SIDT2: variants seen among roughly 807,000 people sequenced by gnomAD.
SIDT2 encodes SID1 transmembrane family member 2.
A neutral mutation model predicts 114.4 loss-of-function variants in SIDT2; 68 were observed. That is an observed-to-expected ratio of 0.59 (90% CI 0.49 to 0.73). The LOEUF (loss-of-function observed/expected upper bound fraction) is 0.73, where lower values mean the gene tolerates loss of function less well. Ranked by LOEUF, SIDT2 falls within the 30% of genes least tolerant of loss-of-function variation. The pLI is 0.00. For missense variants in SIDT2, 918 were observed against 1,097.1 expected, an observed-to-expected ratio of 0.84 and a Z score of 2.31; for synonymous variants, 470 against 438.4, an observed-to-expected ratio of 1.07 and a Z score of -0.90.
At chr11:117,181,640 T>G in intron 2 of SIDT2, 103 bp downstream of exon 2, 1 of 1,584,014 alleles carries the variant, frequency 6.3e-7, no homozygotes, top group Admixed American at 1.7e-5. Context: ...TTCCCTGGGC[T>G]GGGAGGCTGG....
At position 117,189,866 on chromosome 11, in the gene SIDT2, T is replaced by A. The variant is rs1422976562; in HGVS notation, c.1420-86T>A. The stretch of plus-strand genomic sequence containing the variant: ...TGCTAGCTGTGGTGGCACTTGCTGT[T>A]TTTTGCCAAAGGGGCCCGGATGGCG... On this transcript the variant is annotated intron_variant, in intron 15 of 25. Coordinates refer to ENST00000324225, the MANE Select transcript of SIDT2 (RefSeq NM_001040455.2). 1.0e-5 allele frequency: 14 copies of A among 1,363,348 alleles called. No homozygotes were observed. In the East Asian group the frequency reaches 3.2e-4, roughly 31 times the overall value. 84.5% of individuals were successfully genotyped at this position (1,363,348 alleles called of 1,614,324 possible). A position where few individuals can be genotyped will look rare whatever the true frequency, so the allele number is the denominator to read the frequency against.
chr11:117,195,085 C>CAAAAAAAAAAAAAAAAAAAAA (rs55970874), intron 24 of SIDT2, among the ~76,000 whole-genome samples: 1 of 45,700 alleles, frequency 2.2e-5, no homozygotes, highest in Middle Eastern at 0.017. Flanking sequence ...GACTCTGTCT[C>CAAAAAAAAAAAAAAAAAAAAA]AAAAAAAAAA....
chr11:117,188,930 A>T lies in SIDT2; in HGVS notation c.1278+104A>T, dbSNP rs2030601288. The T allele has an allele frequency of 8.2e-7, 1 of 1,218,866 alleles. No homozygotes were observed. Among genetic ancestry groups the T allele is most frequent in the East Asian group, 2.3e-5 (1 of 42,836 alleles). 75.5% of individuals were successfully genotyped at this position (1,218,866 alleles called of 1,614,324 possible). ...CTGACGTGGCATTTAGGGAAGCAGAAGGAAGGGGCTCAGCTGGGGCAGGGC... is the reference window on the plus strand; with the variant it reads ...CTGACGTGGCATTTAGGGAAGCAGATGGAAGGGGCTCAGCTGGGGCAGGGC... On this transcript the variant is annotated intron_variant, in intron 13 of 25. Coordinates refer to ENST00000324225, the MANE Select transcript of SIDT2 (RefSeq NM_001040455.2). This position sits in a 1 kb window ranked among gnomAD's most constrained non-coding sequence, Gnocchi z 4.0.
chr11:117,179,365 G>C lies in SIDT2; in HGVS notation c.102G>C (p.Glu34Asp), dbSNP rs150890160. The change falls in exon 1 of 26, where the codon GAG becomes GAC. Residue 34 changes from glutamate (E) to aspartate (D), a missense_variant. This residue lies in a region of SIDT2 where 553 missense variants were observed against 600.1 expected (regional missense o/e 0.92). Coordinates refer to ENST00000324225, the MANE Select transcript of SIDT2 (RefSeq NM_001040455.2). Reference sequence around the variant, plus strand: ...AGAACGTCTCGCAGAAAGACGCCGAGTTTGAGCGCACCTACGTGGACGAGG... The same window carrying C: ...AGAACGTCTCGCAGAAAGACGCCGACTTTGAGCGCACCTACGTGGACGAGG... ...GPKNVSQKDA[E>D]FERTYVDEVN... is the part of the protein sequence containing the mutation. 4 of 1,614,080 alleles carry C rather than the reference G, an allele frequency of 2.5e-6. No homozygotes were observed. The highest frequency in any genetic ancestry group is 1.7e-5 in the Admixed American group (1 of 60,008).
chr11:117,182,171 G>A, intron 4 of SIDT2, 66 bp downstream of exon 4: 2 of 1,580,236 alleles, frequency 1.3e-6, no homozygotes, highest in Non-Finnish European at 1.7e-6. Flanking sequence ...AATGGGAGTG[G>A]CCAGCGGTCT....
rs1193926543 is a variant in SIDT2 at position 117,188,608 on chromosome 11, TC to T, written c.1160-97del. 21 of 929,574 alleles carry T rather than the reference TC, an allele frequency of 2.3e-5. No individual in the cohort carries two copies. Among genetic ancestry groups the T allele is most frequent in the Non-Finnish European group, 3.6e-5 (21 of 575,876 alleles). 57.6% of individuals were successfully genotyped at this position (929,574 alleles called of 1,614,324 possible). On this transcript the variant is annotated intron_variant, in intron 12 of 25. Transcript: ENST00000324225. The surrounding 1 kb of genome is among the most constrained non-coding windows in gnomAD (Gnocchi z 4.0). ...GAGGCCCAGCCCACAATTTGCCTCT[TC>T]CCTACTGCCTAATAATTGTTACAAT...
intron 5 of SIDT2, 23 bp downstream of exon 5, chr11:117,182,643 C>T (rs749729289): frequency 1.2e-5 from 20 of 1,614,116 alleles, no homozygotes; most frequent in Middle Eastern, 3.3e-4. Context: ...CCCTTTTGCT[C>T]TTCCCCAGCA....
chr11:117,186,814 C>T (rs1386917740), intron 10 of SIDT2, among the ~76,000 whole-genome samples, 178 bp downstream of exon 10: 3 of 152,110 alleles, frequency 2.0e-5, no homozygotes, highest in African/African-American at 7.2e-5. Flanking sequence ...GCATCCCTAA[C>T]ATGCACACCT....
rs902880099 is a variant in SIDT2, at chr11:117,192,997, G to A, written c.2105+131G>A. 2.9e-6 allele frequency: 4 copies of A among 1,364,280 alleles called. No individual in the cohort carries two copies. Among genetic ancestry groups the A allele is most frequent in the Admixed American group, 3.4e-5 (2 of 59,514 alleles). 84.5% of individuals were successfully genotyped at this position (1,364,280 alleles called of 1,614,324 possible). ...GACATGGGGGCTAAGAGAGATCTTG[G>A]CCTCTCTTCTCTCTCTTGGCATCTG... On this transcript the variant is annotated intron_variant, in intron 22 of 25. Coordinates refer to ENST00000324225, the MANE Select transcript of SIDT2 (RefSeq NM_001040455.2). This position sits in a 1 kb window ranked among gnomAD's most constrained non-coding sequence, Gnocchi z 5.9.
At chr11:117,195,396 C>A (rs1004946618) in intron 24 of SIDT2, among the ~76,000 whole-genome samples, 2 of 152,094 alleles carry the variant, frequency 1.3e-5, no homozygotes, top group Non-Finnish European at 2.9e-5. Context: ...TGTAACCTGA[C>A]AGTAGTGCTT....
chr11:117,179,554 T>C, intron 1 of SIDT2, 108 bp downstream of exon 1: 4 of 1,200,122 alleles, frequency 3.3e-6, no homozygotes, highest in Non-Finnish European at 4.6e-6. Context: ...CGAGCTGTCC[T>C]GCTAGGTTCC....
At chr11:117,195,711 GA>G in intron 24 of SIDT2, 90 bp from the exon 25 acceptor site, 1 of 1,329,716 alleles carries the variant, frequency 7.5e-7, no homozygotes, top group Non-Finnish European at 1.1e-6. Flanking sequence ...GGGCTGGAGA[GA>G]GGGGTGCCCA....
rs773907903 is a variant in SIDT2 at position 117,190,153 on chromosome 11, T to A, written c.1494-13T>A. On this transcript the variant is annotated splice_polypyrimidine_tract_variant and intron_variant, in intron 16 of 25. Coordinates refer to ENST00000324225, the MANE Select transcript of SIDT2 (RefSeq NM_001040455.2). The surrounding 1 kb of genome is among the most constrained non-coding windows in gnomAD (Gnocchi z 4.1). Reference sequence around the variant, plus strand: ...TGAGTCCCAAGCAGTCTGCCTTGTGTTGCCCCTTCTAGCGCCTTCAACAAC... The same window carrying A: ...TGAGTCCCAAGCAGTCTGCCTTGTGATGCCCCTTCTAGCGCCTTCAACAAC... The A allele has an allele frequency of 1.4e-5, 22 of 1,594,036 alleles. No individual in the cohort carries two copies. Among genetic ancestry groups the A allele is most frequent in the Non-Finnish European group, 1.2e-5 (14 of 1,169,030 alleles).
At position 117,182,787 on chromosome 11, in the gene SIDT2, A is replaced by C; in HGVS notation, c.683A>C (p.Lys228Thr). Residue 228 changes from lysine to threonine, a missense_variant, in exon 6 of 26, where the codon AAG (lysine) becomes ACG (threonine). Transcript: ENST00000324225. ...FIGMYQTMTKKAAITVQRKDF... is the reference protein window; with the variant it reads ...FIGMYQTMTKTAAITVQRKDF... ...GGCATGTACCAGACGATGACCAAGA[A>C]GGCGGCCATCACCGTACAGGTAGGA... 6.2e-7 allele frequency: 1 copy of C among 1,614,054 alleles called. No individual in the cohort carries two copies. Among genetic ancestry groups the C allele is most frequent in the South Asian group, 1.1e-5 (1 of 91,066 alleles).
chr11:117,190,523 C>T lies in SIDT2; in HGVS notation c.1618-100C>T. The stretch of plus-strand genomic sequence containing the variant: ...ACCCACACTCGACACATACCCCACC[C>T]CTTTTCCTCTTCCACTCCTCTTAGG... On this transcript the variant is annotated intron_variant, in intron 17 of 25. Coordinates refer to ENST00000324225, the MANE Select transcript of SIDT2 (RefSeq NM_001040455.2). The surrounding 1 kb of genome is among the most constrained non-coding windows in gnomAD (Gnocchi z 4.1). 8.6e-7 allele frequency: 1 copy of T among 1,163,706 alleles called. No individual in the cohort carries two copies. Among genetic ancestry groups the T allele is most frequent in the East Asian group, 2.6e-5 (1 of 38,856 alleles). 72.1% of individuals were successfully genotyped at this position (1,163,706 alleles called of 1,614,324 possible).
chr11:117,179,183 C>T lies in SIDT2; in HGVS notation c.-81C>T, dbSNP rs1188889905. On this transcript the variant is annotated 5_prime_UTR_variant, in exon 1 of 26. Transcript: ENST00000324225. ...AGATGCTGGAAGCTGCGGCCGCAGCCGCAACCCGTCCCGGAGGTGTCCTGT... is the reference window on the plus strand; with the variant it reads ...AGATGCTGGAAGCTGCGGCCGCAGCTGCAACCCGTCCCGGAGGTGTCCTGT... The T allele has an allele frequency of 1.6e-5, 22 of 1,411,162 alleles. No individual in the cohort carries two copies. The highest frequency in any genetic ancestry group is 2.3e-5 in the East Asian group (1 of 43,320). The allele number at this position is 1,411,162 out of a possible 1,614,324, so 87.4% of individuals were successfully genotyped here.
At chr11:117,194,317 A>T (rs2030812287) in intron 24 of SIDT2, among the ~76,000 whole-genome samples, 1 of 152,126 alleles carries the variant, frequency 6.6e-6, no homozygotes, top group South Asian at 2.1e-4. Flanking sequence ...TAAAAAAAAA[A>T]TTTTAAACAT....
At chr11:117,189,017 G>T (rs2030604232) in intron 13 of SIDT2, 152 bp from the exon 14 acceptor site, 12 of 986,350 alleles carry the variant, frequency 1.2e-5, no homozygotes, top group Non-Finnish European at 1.9e-5. Flanking sequence ...AAACCCTCTT[G>T]GTCTAAGCGG....
chr11:117,194,023 A>C, intron 24 of SIDT2, 60 bp downstream of exon 24: 1 of 1,331,308 alleles, frequency 7.5e-7, no homozygotes, highest in Non-Finnish European at 1.1e-6. Context: ...CTTTTTAAAC[A>C]TTGGGGCTGA....
Sources: gnomAD v4.1 joint callset for allele counts (sites outside exome capture counted in the v4.1 genomes callset) on GRCh38, gnomAD v4.1.1 for gene constraint, gnomAD v4.1.1 regional missense constraint, Gnocchi (gnomAD v3.1) non-coding constraint, MANE v1.5 for transcripts, NCBI Gene and HGNC (gene_info 2026-07-23, HGNC 2026-07-21) for gene names.